Variants in CTNND2 observed in about 807,000 individuals in gnomAD.
CTNND2 encodes the protein catenin delta 2, also known as catenin delta-2.
Under a neutral mutation model 144.4 loss-of-function variants are expected in CTNND2, and 22 were observed. The observed-to-expected ratio is 0.15, with a 90% CI of 0.11 to 0.22. The LOEUF (loss-of-function observed/expected upper bound fraction) is 0.22. Ranked by LOEUF, CTNND2 falls within the 10% of genes least tolerant of loss-of-function variation. The probability of loss-of-function intolerance (pLI) is 1.00; values close to 1 mark genes in which losing one functional copy is unlikely to be tolerated. For missense variants in CTNND2, 1,353 were observed against 1,618.8 expected, an observed-to-expected ratio of 0.84 and a Z score of 2.82; for synonymous variants, 751 against 695.6, an observed-to-expected ratio of 1.08 and a Z score of -1.25.
At chr5:11,020,511 T>C (rs1742126987) in intron 17 of CTNND2, among the ~76,000 whole-genome samples, 1 of 152,172 alleles carries the variant, frequency 6.6e-6, no homozygotes, top group African/African-American at 2.4e-5. Context: ...ATAAATTCTA[T>C]TTCCTTAAAA....
chr5:11,341,927 T>C lies in CTNND2; in HGVS notation c.1628+4445A>G, dbSNP rs138655673. 4.4e-3 allele frequency among the ~76,000 whole-genome samples: 665 copies of C among 152,234 alleles called. 7 individuals are homozygous for C. Among genetic ancestry groups the C allele is most frequent in the African/African-American group, 0.015 (638 of 41,534 alleles). ...TGGGAGGCTGAGGTGGGAGGATCAT[T>C]TGAGCCTGGAAGTTTGAGCCTGCAA... On this transcript the variant is annotated intron_variant, in intron 9 of 21. Coordinates refer to ENST00000304623, the MANE Select transcript of CTNND2 (RefSeq NM_001332.4).
At chr5:11,454,552 T>C (rs1234535639) in intron 3 of CTNND2, among the ~76,000 whole-genome samples, 6 of 152,156 alleles carry the variant, frequency 3.9e-5, no homozygotes, top group African/African-American at 1.4e-4. Flanking sequence ...CACTATGCAC[T>C]CACAAGACAT....
chr5:11,368,435 T>C (rs900272441), intron 7 of CTNND2, among the ~76,000 whole-genome samples: 2 of 152,078 alleles, frequency 1.3e-5, no homozygotes, highest in African/African-American at 4.8e-5. Context: ...TTCAGTCCTA[T>C]GGCAGGGAGG....
rs117206461 is a variant in CTNND2, at chr5:11,445,012, C to T, written c.288-32943G>A. Among the ~76,000 whole-genome samples the T allele has an allele frequency of 5.8e-4, 89 of 152,228 alleles. 1 individual carries two copies. The East Asian group carries it at 0.012, about 20-fold the overall frequency. Reference sequence around the variant, plus strand: ...AAGAGGAAACTGCCTCAGTTTCCTACGGCTGCAGTACCAAAGTAACATAAA... The same window carrying T: ...AAGAGGAAACTGCCTCAGTTTCCTATGGCTGCAGTACCAAAGTAACATAAA... On this transcript the variant is annotated intron_variant, in intron 3 of 21. Coordinates refer to ENST00000304623, the MANE Select transcript of CTNND2 (RefSeq NM_001332.4).
chr5:11,309,028 G>C (rs1750537162), intron 9 of CTNND2, among the ~76,000 whole-genome samples: 1 of 152,166 alleles, frequency 6.6e-6, no homozygotes, highest in African/African-American at 2.4e-5. Context: ...ACAGCAAGGG[G>C]GAAATCAAAC....
At chr5:11,247,555 G>A (rs1473106666) in intron 9 of CTNND2, among the ~76,000 whole-genome samples, 1 of 152,156 alleles carries the variant, frequency 6.6e-6, no homozygotes, top group African/African-American at 2.4e-5. Context: ...GTAAAATGAT[G>A]AGAAAATTGG....
intron 10 of CTNND2, among the ~76,000 whole-genome samples, chr5:11,228,370 A>C (rs1015256727): frequency 4.7e-4 from 71 of 149,972 alleles, no homozygotes; most frequent in Middle Eastern, 3.4e-3. Context: ...AAAAAAAAAA[A>C]AAAAAAAAAC....
At chr5:11,444,025 C>A (rs11948542) in intron 3 of CTNND2, among the ~76,000 whole-genome samples, 24,123 of 152,218 alleles carry the variant, frequency 0.16, 3,049 homozygotes, top group African/African-American at 0.36. Flanking sequence ...ATCAGCAGTG[C>A]AGAATGTTGG....
intron 11 of CTNND2, among the ~76,000 whole-genome samples, chr5:11,167,079 C>T (rs1276321479): frequency 6.6e-6 from 1 of 152,132 alleles, no homozygotes; most frequent in African/African-American, 2.4e-5. Flanking sequence ...GTTGCCTTTG[C>T]AGTGGGGATT....
At chr5:11,171,735 G>A (rs1357855170) in intron 11 of CTNND2, among the ~76,000 whole-genome samples, 1 of 152,116 alleles carries the variant, frequency 6.6e-6, no homozygotes, top group Non-Finnish European at 1.5e-5. Context: ...TGAAAATTCT[G>A]ACAGTGAAAA....
chr5:11,203,173 A>G (rs1420410320), intron 10 of CTNND2, among the ~76,000 whole-genome samples: 2 of 152,124 alleles, frequency 1.3e-5, no homozygotes, highest in Non-Finnish European at 2.9e-5. Flanking sequence ...CAATCTTTCC[A>G]AGCTTCCAAA....
At chr5:11,350,092 G>A (rs1311329100) in intron 8 of CTNND2, among the ~76,000 whole-genome samples, 3 of 152,018 alleles carry the variant, frequency 2.0e-5, no homozygotes, top group Non-Finnish European at 4.4e-5. Context: ...AGCTGAGATC[G>A]TGCCATTGCA....
chr5:11,569,909 C>A (rs1354897469), intron 2 of CTNND2, among the ~76,000 whole-genome samples: 1 of 152,134 alleles, frequency 6.6e-6, no homozygotes, highest in African/African-American at 2.4e-5. Context: ...GCACCATGAT[C>A]TTGTGTTTCC....
At chr5:11,354,976 C>T (rs1056419446) in intron 8 of CTNND2, among the ~76,000 whole-genome samples, 3 of 152,076 alleles carry the variant, frequency 2.0e-5, no homozygotes, top group Non-Finnish European at 4.4e-5. Context: ...TGGAAATTAA[C>T]ATGCTCCTGA....
At chr5:11,558,791 G>A (rs1776449688) in intron 3 of CTNND2, among the ~76,000 whole-genome samples, 1 of 152,162 alleles carries the variant, frequency 6.6e-6, no homozygotes, top group African/African-American at 2.4e-5. Context: ...CTCGATCTCA[G>A]CTATGCACTT....
chr5:11,338,930 T>TAATGAGCTTTCATTAAACAGCC (rs1170725421), intron 9 of CTNND2, among the ~76,000 whole-genome samples: 1 of 3,066 alleles, frequency 3.3e-4, no homozygotes, highest in Non-Finnish European at 5.1e-4. Flanking sequence ...CTTCATTTTT[T>TAATGAGCTTTCATTAAACAGCC]TTTTTTTTTT....
intron 18 of CTNND2, among the ~76,000 whole-genome samples, chr5:10,994,888 T>A (rs1739176341): frequency 6.6e-6 from 1 of 152,004 alleles, no homozygotes; most frequent in Admixed American, 6.6e-5. Flanking sequence ...GTATCCACAC[T>A]GGAGGGTTTG....
At chr5:11,378,194 C>T (rs11948339) in intron 7 of CTNND2, among the ~76,000 whole-genome samples, 36,583 of 152,120 alleles carry the variant, frequency 0.24, 4,808 homozygotes, top group Admixed American at 0.33. Context: ...TCAGCCTGTA[C>T]TCCCCAAGTG....
intron 2 of CTNND2, among the ~76,000 whole-genome samples, chr5:11,655,261 A>ATT (rs201027253): frequency 6.8e-6 from 1 of 146,856 alleles, no homozygotes; most frequent in South Asian, 2.1e-4. Flanking sequence ...AGACTTAACT[A>ATT]TTTTTTTTTT....
Sources: allele counts gnomAD v4.1 joint callset (sites outside exome capture counted in the v4.1 genomes callset), GRCh38; gene constraint gnomAD v4.1.1; transcripts MANE v1.5; gene names NCBI Gene and HGNC (gene_info 2026-07-23, HGNC 2026-07-21).